The following SLC12A6 variants were observed in gnomAD, a reference collection of about 807,000 sequenced individuals.
SLC12A6 encodes the protein K-Cl cotransporter 3.
SLC12A6 carries 66 observed loss-of-function variants against 135.3 expected under a neutral mutation model. The observed-to-expected ratio is 0.49, with a 90% CI of 0.40 to 0.60. The LOEUF is 0.60. Ranked by LOEUF, SLC12A6 falls within the 20% of genes least tolerant of loss-of-function variation. The pLI is 0.00. For missense variants in SLC12A6, 1,058 were observed against 1,452.3 expected (o/e 0.73, Z 4.41); for synonymous variants, 513 against 508.8 (o/e 1.01, Z -0.11).
At chr15:34,245,636 ACT>A in intron 14 of SLC12A6, 55 bp downstream of exon 14, 2 of 1,428,176 alleles carry the variant, frequency 1.4e-6, no homozygotes, top group Non-Finnish European at 2.0e-6. Flanking sequence ...TGAAGACCAC[ACT>A]GTTTCTCATT....
At chr15:34,311,026 T>C (rs1385775516) in intron 2 of SLC12A6, among the ~76,000 whole-genome samples, 4 of 152,152 alleles carry the variant, frequency 2.6e-5, no homozygotes, top group Non-Finnish European at 5.9e-5. Context: ...TAATAGAAAT[T>C]TGTCTCATAG....
intron 2 of SLC12A6, among the ~76,000 whole-genome samples, chr15:34,317,654 G>A (rs917732511): frequency 2.6e-5 from 4 of 152,134 alleles, no homozygotes; most frequent in African/African-American, 7.2e-5. Context: ...AGTAAGCCGA[G>A]ATCACCCCAC....
chr15:34,331,712 A>G (rs543552174), intron 2 of SLC12A6, among the ~76,000 whole-genome samples: 1 of 152,340 alleles, frequency 6.6e-6, no homozygotes, highest in Non-Finnish European at 1.5e-5. Context: ...AATAAAAACA[A>G]AATATAGTGA....
chr15:34,300,700 C>T (rs1191245562), intron 2 of SLC12A6, among the ~76,000 whole-genome samples: 4 of 150,258 alleles, frequency 2.7e-5, no homozygotes, highest in East Asian at 2.0e-4. Context: ...GGCTGAGGCA[C>T]GAGGACTGCC....
chr15:34,287,916 C>T (rs986469259), intron 2 of SLC12A6, among the ~76,000 whole-genome samples: 10 of 152,082 alleles, frequency 6.6e-5, no homozygotes, highest in African/African-American at 1.4e-4. Flanking sequence ...AATTTTCTCC[C>T]GTTCTGTAGG....
intron 2 of SLC12A6, among the ~76,000 whole-genome samples, chr15:34,306,948 A>C (rs959889934): frequency 6.6e-6 from 1 of 152,246 alleles, no homozygotes; most frequent in African/African-American, 2.4e-5. Context: ...TTTATATAAA[A>C]TTCTAGGAAA....
At chr15:34,330,189 A>G (rs1180112312) in intron 2 of SLC12A6, among the ~76,000 whole-genome samples, 1 of 152,126 alleles carries the variant, frequency 6.6e-6, no homozygotes, top group Admixed American at 6.6e-5. Context: ...GGCTCTTTTT[A>G]TCTGTAACAG....
chr15:34,265,129 G>A (rs761026308), intron 3 of SLC12A6, among the ~76,000 whole-genome samples: 42 of 152,242 alleles, frequency 2.8e-4, no homozygotes, highest in Middle Eastern at 3.4e-3. Flanking sequence ...CCCAGGAGGC[G>A]GAGCTTGCAG....
intron 2 of SLC12A6, among the ~76,000 whole-genome samples, chr15:34,302,177 G>A (rs1274012387): frequency 6.6e-6 from 1 of 152,142 alleles, no homozygotes; most frequent in Non-Finnish European, 1.5e-5. Flanking sequence ...TGAGAAGATG[G>A]TGAGAGTAAT....
At chr15:34,237,037 A>T (rs1054898191) in intron 22 of SLC12A6, 40 of 548,954 alleles carry the variant, frequency 7.3e-5, no homozygotes, top group Non-Finnish European at 2.0e-5. Flanking sequence ...TAACCAAGAC[A>T]TGTGTTGCCT....
chr15:34,251,196 T>C (rs1892365902), intron 10 of SLC12A6, 139 bp from the exon 11 acceptor site: 2 of 688,202 alleles, frequency 2.9e-6, no homozygotes, highest in Non-Finnish European at 5.2e-6. Flanking sequence ...TGAGCACATG[T>C]ATACACACAC....
At chr15:34,325,106 T>C (rs940160534) in intron 2 of SLC12A6, among the ~76,000 whole-genome samples, 1 of 152,198 alleles carries the variant, frequency 6.6e-6, no homozygotes, top group Non-Finnish European at 1.5e-5. Context: ...ACACTCTGAA[T>C]AGTTCTGTGT....
At chr15:34,262,313 C>T (rs1893195519) in intron 3 of SLC12A6, among the ~76,000 whole-genome samples, 1 of 152,110 alleles carries the variant, frequency 6.6e-6, no homozygotes, top group Admixed American at 6.5e-5. Context: ...ATTCTGAGCC[C>T]ATAAAGGCCC....
chr15:34,258,944 C>T lies in SLC12A6; in HGVS notation c.412G>A (p.Glu138Lys), dbSNP rs1158081299. The change falls in exon 5 of 26, where the codon GAA becomes AAA. Residue 138 changes from glutamate (E) to lysine (K), a missense_variant and splice_region_variant. Around this residue, in one of 6 missense-constraint regions of SLC12A6, gnomAD observed 139 missense variants for 202.2 expected, o/e 0.69. Coordinates refer to ENST00000354181, the MANE Select transcript of SLC12A6 (RefSeq NM_001365088.1). ...ACCTTCGGTCTGGTGTCCATTTCTT[C>T]CTATAAAGCCAGTGACATGGAAGAA... ...YFDKNLALFEEEMDTRPKVSS... is the reference protein window; with the variant it reads ...YFDKNLALFEKEMDTRPKVSS... 6.2e-7 allele frequency: 1 copy of T among 1,609,146 alleles called. No homozygotes were observed. Among genetic ancestry groups the T allele is most frequent in the Non-Finnish European group, 8.5e-7 (1 of 1,175,524 alleles).
intron 2 of SLC12A6, among the ~76,000 whole-genome samples, chr15:34,310,043 T>A (rs943528808): frequency 2.6e-5 from 4 of 151,490 alleles, no homozygotes; most frequent in Admixed American, 2.6e-4. Flanking sequence ...CTTTCTCACT[T>A]TGTTGCCCAG....
intron 11 of SLC12A6, 80 bp downstream of exon 11, chr15:34,250,819 C>G: frequency 3.6e-6 from 5 of 1,403,884 alleles, no homozygotes; most frequent in South Asian, 2.3e-5. Context: ...AATCTAGGAA[C>G]CCTGAGAATT....
At chr15:34,274,433 T>C (rs1894162005) in intron 3 of SLC12A6, among the ~76,000 whole-genome samples, 1 of 152,204 alleles carries the variant, frequency 6.6e-6, no homozygotes, top group Non-Finnish European at 1.5e-5. Context: ...TTACTTTCTT[T>C]ATATATGCCT....
In SLC12A6 at chr15:34,337,577, T is replaced by C. The variant is rs1252883169; in HGVS notation, c.-318A>G. ...GTGTGACAGGACGAGCCACCCCCTT[T>C]GCCGGAGGCGCGTTCTCCCCTACCC... is the stretch of plus-strand genomic sequence containing the variant. On this transcript the variant is annotated 5_prime_UTR_variant, in exon 1 of 26. Transcript: ENST00000354181. 6.6e-6 allele frequency: 1 copy of C among 152,494 alleles called. No homozygotes were observed. The highest frequency in any genetic ancestry group is 1.5e-5 in the Non-Finnish European group (1 of 68,200). 9.4% of individuals were successfully genotyped at this position (152,494 alleles called of 1,614,324 possible). A position where few individuals can be genotyped will look rare whatever the true frequency, so the allele number is the denominator to read the frequency against.
At chr15:34,301,397 A>C (rs1896247514) in intron 2 of SLC12A6, among the ~76,000 whole-genome samples, 1 of 152,222 alleles carries the variant, frequency 6.6e-6, no homozygotes, top group South Asian at 2.1e-4. Flanking sequence ...AGAAGGATGA[A>C]CTTTCCTAAA....
Sources: gnomAD v4.1 joint callset for allele counts (sites outside exome capture counted in the v4.1 genomes callset) on GRCh38, gnomAD v4.1.1 for gene constraint, gnomAD v4.1.1 regional missense constraint, MANE v1.5 for transcripts, NCBI Gene and HGNC (gene_info 2026-07-23, HGNC 2026-07-21) for gene names.